Variants in TMEM230 observed in about 807,000 individuals in gnomAD.
The protein encoded by TMEM230 is UPF0414 transmembrane protein C20orf30.
Under a neutral mutation model 15.8 loss-of-function variants are expected in TMEM230, and 10 were observed. That is an observed-to-expected ratio of 0.63 (90% confidence interval 0.39 to 1.07). The LOEUF is 1.07. Among genes scored for constraint, TMEM230 ranks in the 50% least tolerant of loss-of-function variants. The pLI, the probability that TMEM230 is intolerant of heterozygous loss-of-function variation, is 0.01. For synonymous variants in TMEM230, 67 were observed against 76.9 expected (o/e 0.87, Z 0.68); for missense variants, 165 against 193.3 (o/e 0.85, Z 0.87).
chr20:5,088,409 GA>G (rs2089416823), intron 3 of TMEM230, among the ~76,000 whole-genome samples: 1 of 151,774 alleles, frequency 6.6e-6, no homozygotes, highest in Non-Finnish European at 1.5e-5. Context: ...ACAGAGATTT[GA>G]AAAATGAAGC....
intron 3 of TMEM230, among the ~76,000 whole-genome samples, chr20:5,071,391 G>A (rs1600265885): frequency 6.6e-6 from 1 of 152,052 alleles, no homozygotes; most frequent in African/African-American, 2.4e-5. Context: ...TTGGGAGGCC[G>A]AGGCAGGCAG....
intron 3 of TMEM230, among the ~76,000 whole-genome samples, chr20:5,076,357 T>C (rs1006343866): frequency 5.9e-5 from 9 of 151,942 alleles, no homozygotes; most frequent in Non-Finnish European, 1.5e-5. Context: ...CTGGCCAACA[T>C]GGCGAAACCC....
rs766505211 is a variant in TMEM230 at position 5,113,036 on chromosome 20, C to T, written c.-8G>A. The T allele has an allele frequency of 1.3e-6, 2 of 1,546,084 alleles. No homozygotes were observed. The highest frequency in any genetic ancestry group is 1.4e-5 in the African/African-American group (1 of 73,138). On this transcript the variant is annotated 5_prime_UTR_variant, in exon 1 of 5. Coordinates refer to ENST00000342308, the MANE Select transcript of TMEM230 (RefSeq NM_001009923.2). ...CAGCGCCCAAGGTTGCATGGCATGG[C>T]CCGCTTAAGTGCCACTCAGCCGGCC...
intron 3 of TMEM230, among the ~76,000 whole-genome samples, chr20:5,071,453 C>T (rs1175811229): frequency 1.3e-5 from 2 of 151,658 alleles, no homozygotes; most frequent in African/African-American, 2.4e-5. Flanking sequence ...GGAGACACCC[C>T]GTCTCTACTA....
chr20:5,083,324 T>C (rs2089239331), intron 3 of TMEM230, among the ~76,000 whole-genome samples: 2 of 149,246 alleles, frequency 1.3e-5, no homozygotes, highest in Admixed American at 6.7e-5. Context: ...AGCAGAGGTT[T>C]AATAGAAGAA....
chr20:5,096,250 T>C (rs2089661896), downstream of TMEM230, among the ~76,000 whole-genome samples: 2 of 152,230 alleles, frequency 1.3e-5, no homozygotes, highest in African/African-American at 4.8e-5. Flanking sequence ...GCAGTGATCC[T>C]CTTTACTTTC....
At chr20:5,069,985 C>T (rs1422641933) in intron 3 of TMEM230, among the ~76,000 whole-genome samples, 3 of 152,212 alleles carry the variant, frequency 2.0e-5, no homozygotes, top group Non-Finnish European at 4.4e-5. Flanking sequence ...GCTGGGATTA[C>T]AGGTGTGAGC....
chr20:5,062,269 C>T, the TMEM230 span, among the ~76,000 whole-genome samples: 1 of 151,266 alleles, frequency 6.6e-6, no homozygotes, highest in Non-Finnish European at 1.5e-5. Flanking sequence ...GGTGTGGAGG[C>T]TCACACCTGT....
chr20:5,100,407 TTAA>T lies in TMEM230; in HGVS notation c.*381_*383del, dbSNP rs1291496139. ...CTCAGATATTTTTAAAATAAATTAC[TTAA>T]TAATAAGAAATTAGCCATACCACAT... is the stretch of plus-strand genomic sequence containing the variant. On this transcript the variant is annotated 3_prime_UTR_variant, in exon 5 of 5. Transcript: ENST00000342308. 120 of 993,666 alleles carry T rather than the reference TTAA, an allele frequency of 1.2e-4. No individual in the cohort carries two copies. In the African/African-American group the frequency reaches 2.0e-3, roughly 16 times the overall value. The allele number at this position is 993,666 out of a possible 1,614,324, so 61.6% of individuals were successfully genotyped here. A position where few individuals can be genotyped will look rare whatever the true frequency, so the allele number is the denominator to read the frequency against.
Position 5,101,080 on chromosome 20 carries a change from C to CAAGGGAAAAGG in TMEM230, c.412-150_412-149insCCTTTTCCCTT, listed in dbSNP as rs2122719622. On this transcript the variant is annotated intron_variant, in intron 4 of 4. Coordinates refer to ENST00000342308, the MANE Select transcript of TMEM230 (RefSeq NM_001009923.2). ...TACCACCAAGGGAAAAGGTTTCCTC[C>CAAGGGAAAAGG]TGATTATAAATTGAAGACAAACTAC... 1.4e-5 allele frequency: 14 copies of CAAGGGAAAAGG among 1,004,800 alleles called. 1 individual carries two copies. The South Asian group carries it at 3.3e-4, about 24-fold the overall frequency. The allele number at this position is 1,004,800 out of a possible 1,614,324, so 62.2% of individuals were successfully genotyped here. A position where few individuals can be genotyped will look rare whatever the true frequency, so the allele number is the denominator to read the frequency against.
intron 4 of TMEM230, among the ~76,000 whole-genome samples, chr20:5,102,960 C>T (rs906509937): frequency 2.3e-4 from 35 of 152,150 alleles, no homozygotes; most frequent in African/African-American, 8.0e-4. Flanking sequence ...CCCAGAGAGG[C>T]AAGGATGGTT....
the TMEM230 span, among the ~76,000 whole-genome samples, chr20:5,062,766 T>A: frequency 2.0e-5 from 3 of 151,982 alleles, no homozygotes; most frequent in African/African-American, 7.2e-5. Flanking sequence ...CTGTCATAAA[T>A]AATAAATAAA....
downstream of TMEM230, among the ~76,000 whole-genome samples, chr20:5,067,723 G>A (rs2088695086): frequency 6.8e-6 from 1 of 147,380 alleles, no homozygotes; most frequent in East Asian, 2.0e-4. Flanking sequence ...ATTAAGGCAT[G>A]AGCCACCACA....
exon 4 of TMEM230, chr20:5,069,251 G>C: frequency 6.5e-7 from 1 of 1,535,766 alleles, no homozygotes; most frequent in South Asian, 1.2e-5. Context: ...GTCCTCCTTC[G>C]GGACTCCTCC....
chr20:5,099,332 T>C (rs1045622737), downstream of TMEM230, among the ~76,000 whole-genome samples: 4 of 152,164 alleles, frequency 2.6e-5, no homozygotes, highest in African/African-American at 9.7e-5. Context: ...AGATAAAGCT[T>C]TATGTATCAC....
chr20:5,070,501 C>A (rs1032379145), intron 3 of TMEM230, among the ~76,000 whole-genome samples: 1 of 152,028 alleles, frequency 6.6e-6, no homozygotes, highest in East Asian at 1.9e-4. Flanking sequence ...AGGAAGAGAA[C>A]CTGGAAGAAG....
Position 5,073,413 on chromosome 20 carries a change from C to T in TMEM230, c.223-4064G>A, listed in dbSNP as rs182373189. Among the ~76,000 whole-genome samples the T allele has an allele frequency of 3.7e-4, 56 of 152,346 alleles. 1 individual carries two copies. In the South Asian group the frequency reaches 0.01, roughly 28 times the overall value. On this transcript the variant is annotated intron_variant, in intron 3 of 3. Transcript: ENST00000612323. ...CCTGGGGCTTGGCTTTGGTGGCTCA[C>T]ACTGAGGGAACTTCACTGTGTATCC...
At chr20:5,060,592 C>G in the TMEM230 span, among the ~76,000 whole-genome samples, 2 of 152,112 alleles carry the variant, frequency 1.3e-5, no homozygotes, top group Non-Finnish European at 2.9e-5. Context: ...CTGCCTCAAC[C>G]TCCCAAAGTG....
At chr20:5,061,164 A>G in the TMEM230 span, 1 of 152,186 alleles carries the variant, frequency 6.6e-6, no homozygotes, top group African/African-American at 2.4e-5. Flanking sequence ...TCAATACCTT[A>G]CTTTTTCCCT....
Sources: allele counts gnomAD v4.1 joint callset (sites outside exome capture counted in the v4.1 genomes callset), GRCh38; gene constraint gnomAD v4.1.1; transcripts MANE v1.5; gene names NCBI Gene and HGNC (gene_info 2026-07-23, HGNC 2026-07-21).